Variants in LRRTM4 observed in about 807,000 individuals in gnomAD.
LRRTM4 encodes leucine rich repeat transmembrane neuronal 4, also known as leucine-rich repeat transmembrane neuronal protein 4.
Under a neutral mutation model 47.6 loss-of-function variants are expected in LRRTM4, and 25 were observed. The ratio of observed to expected loss-of-function variants is 0.53; its 90% CI spans 0.38 to 0.73. The LOEUF (loss-of-function observed/expected upper bound fraction) is 0.73, where lower values mean the gene tolerates loss of function less well. LRRTM4 is among the 30% of genes least tolerant of loss of function. The pLI, the probability that LRRTM4 is intolerant of heterozygous loss-of-function variation, is 0.00. For synonymous variants in LRRTM4, 311 were observed against 269.5 expected (o/e 1.15, Z -1.51); for missense variants, 638 against 713.4 (o/e 0.89, Z 1.20).
At chr2:76,989,965 T>C (rs1676946279) in intron 3 of LRRTM4, 1 of 151,788 alleles carries the variant, frequency 6.6e-6, no homozygotes, top group Non-Finnish European at 1.5e-5. Context: ...TTGTTAATCA[T>C]ATTATGTTTA....
chr2:77,324,376 A>G (rs775126498), intron 3 of LRRTM4, among the ~76,000 whole-genome samples: 31 of 152,148 alleles, frequency 2.0e-4, no homozygotes, highest in Non-Finnish European at 3.8e-4. Flanking sequence ...GCACACAAAT[A>G]TATTTCTGAC....
intron 3 of LRRTM4, among the ~76,000 whole-genome samples, chr2:77,431,142 T>C (rs1326313384): frequency 1.3e-5 from 2 of 149,114 alleles, no homozygotes; most frequent in South Asian, 4.1e-4. Context: ...TCAGCCTCCA[T>C]GACCGCATGA....
intron 3 of LRRTM4, among the ~76,000 whole-genome samples, chr2:77,195,144 T>C (rs994128306): frequency 2.0e-5 from 3 of 151,888 alleles, no homozygotes; most frequent in Admixed American, 1.3e-4. Flanking sequence ...TAAGAATCCA[T>C]TTTTTTGAAT....
chr2:77,371,801 C>T (rs1439056843), intron 3 of LRRTM4, among the ~76,000 whole-genome samples: 1 of 151,726 alleles, frequency 6.6e-6, no homozygotes, highest in Admixed American at 6.6e-5. Context: ...TCCCCAGCTA[C>T]TCACACAGTC....
At chr2:76,917,456 G>A (rs886606796) in intron 3 of LRRTM4, among the ~76,000 whole-genome samples, 3 of 151,934 alleles carry the variant, frequency 2.0e-5, no homozygotes, top group South Asian at 2.1e-4. Flanking sequence ...TCTATGTTTC[G>A]CTCAGAATCA....
chr2:77,028,431 A>G (rs1430834561), intron 3 of LRRTM4, among the ~76,000 whole-genome samples: 1 of 152,184 alleles, frequency 6.6e-6, no homozygotes, highest in East Asian at 1.9e-4. Context: ...CACTTCTGGA[A>G]AATCCCAAGA....
At chr2:77,100,024 CTGA>C (rs1470602577) in intron 3 of LRRTM4, among the ~76,000 whole-genome samples, 1 of 151,996 alleles carries the variant, frequency 6.6e-6, no homozygotes, top group South Asian at 2.1e-4. Flanking sequence ...CTCTAAGCTA[CTGA>C]TTGATTTTTC....
rs1672750478 is a variant in LRRTM4 at position 76,748,928 on chromosome 2, A to G, written c.1552-12T>C. On this transcript the variant is annotated splice_polypyrimidine_tract_variant and intron_variant, in intron 3 of 3. Transcript: ENST00000409884. The stretch of plus-strand genomic sequence containing the variant: ...ATGTGGTGTGGCATCTGGATATGAG[A>G]AATAGAAAGATGGGTGGATTATAAA... 1 of 1,605,040 alleles carries G rather than the reference A, an allele frequency of 6.2e-7. No homozygotes were observed. Among genetic ancestry groups the G allele is most frequent in the Admixed American group, 1.7e-5 (1 of 59,828 alleles).
At chr2:77,479,447 G>A (rs1677564732) in intron 3 of LRRTM4, among the ~76,000 whole-genome samples, 1 of 152,170 alleles carries the variant, frequency 6.6e-6, no homozygotes, top group Non-Finnish European at 1.5e-5. Context: ...TAAAAACTCT[G>A]GAGGTTTCAA....
At chr2:77,281,678 T>G (rs904551272) in intron 3 of LRRTM4, among the ~76,000 whole-genome samples, 8 of 151,920 alleles carry the variant, frequency 5.3e-5, no homozygotes, top group African/African-American at 1.9e-4. Context: ...GGCAGAATGA[T>G]AAGTGTTATA....
intron 3 of LRRTM4, among the ~76,000 whole-genome samples, chr2:76,824,292 G>A (rs138029578): frequency 2.3e-4 from 35 of 151,344 alleles, no homozygotes; most frequent in Non-Finnish European, 4.0e-4. Context: ...ATTCTCTTTC[G>A]ACTGGTTGTA....
At chr2:77,068,230 G>C (rs1034114593) in intron 3 of LRRTM4, among the ~76,000 whole-genome samples, 14 of 152,036 alleles carry the variant, frequency 9.2e-5, no homozygotes, top group Admixed American at 3.3e-4. Flanking sequence ...TATTGAAAAG[G>C]GAGAACATCT....
chr2:77,352,229 T>G (rs1671810598), intron 3 of LRRTM4, among the ~76,000 whole-genome samples: 1 of 152,176 alleles, frequency 6.6e-6, no homozygotes, highest in African/African-American at 2.4e-5. Flanking sequence ...TTTGTTTAGT[T>G]ATTCTTATCT....
At chr2:77,049,122 T>TTATATATATATA (rs3058032) in intron 3 of LRRTM4, among the ~76,000 whole-genome samples, 45 of 62,628 alleles carry the variant, frequency 7.2e-4, no homozygotes, top group South Asian at 1.2e-3. Flanking sequence ...ATTTCATTTT[T>TTATATATATATA]TATATATATA....
At chr2:77,041,983 C>A (rs1679050268) in intron 3 of LRRTM4, among the ~76,000 whole-genome samples, 1 of 149,500 alleles carries the variant, frequency 6.7e-6, no homozygotes, top group Non-Finnish European at 1.5e-5. Context: ...AGGAGATGTT[C>A]CAAATTTAAA....
chr2:77,069,401 ATG>A (rs3058064), intron 3 of LRRTM4, among the ~76,000 whole-genome samples: 33,946 of 141,112 alleles, frequency 0.24, 3,812 homozygotes, highest in African/African-American at 0.28. Flanking sequence ...ACATTTCACT[ATG>A]TGTGTGTGTG....
chr2:77,072,062 T>C (rs1033405310), intron 3 of LRRTM4, among the ~76,000 whole-genome samples: 3 of 152,280 alleles, frequency 2.0e-5, no homozygotes, highest in African/African-American at 7.2e-5. Flanking sequence ...AATTTGAAAA[T>C]ATACATTATT....
At chr2:77,506,788 A>G (rs1678793146) in intron 3 of LRRTM4, among the ~76,000 whole-genome samples, 2 of 151,912 alleles carry the variant, frequency 1.3e-5, no homozygotes, top group African/African-American at 4.8e-5. Context: ...TGACGGTGAA[A>G]TGAACCATCG....
At chr2:76,926,287 T>C (rs1420138520) in intron 3 of LRRTM4, among the ~76,000 whole-genome samples, 2 of 148,946 alleles carry the variant, frequency 1.3e-5, no homozygotes, top group Admixed American at 1.3e-4. Flanking sequence ...CTACAATAAA[T>C]TGTCTTACAA....
Sources: gnomAD v4.1 joint callset for allele counts (sites outside exome capture counted in the v4.1 genomes callset) on GRCh38, gnomAD v4.1.1 for gene constraint, MANE v1.5 for transcripts, NCBI Gene and HGNC (gene_info 2026-07-23, HGNC 2026-07-21) for gene names.